Variants in CLEC2D observed in about 807,000 individuals in gnomAD.
CLEC2D encodes C-type lectin related f.
In CLEC2D, 16 loss-of-function variants were observed where a neutral mutation model predicts 20.0. The ratio of observed to expected loss-of-function variants is 0.80; its 90% CI spans 0.54 to 1.22. The LOEUF is 1.22. Among genes scored for constraint, CLEC2D ranks in the 50% most tolerant of loss-of-function variants. The pLI is 0.00. For missense variants in CLEC2D, 207 were observed against 221.5 expected, an observed-to-expected ratio of 0.93 and a Z score of 0.42; for synonymous variants, 77 against 71.1, an observed-to-expected ratio of 1.08 and a Z score of -0.42.
intron 2 of CLEC2D, among the ~76,000 whole-genome samples, chr12:9,687,147 A>G (rs1255796843): frequency 6.6e-6 from 1 of 152,194 alleles, no homozygotes; most frequent in African/African-American, 2.4e-5. Flanking sequence ...TTGTGTAATA[A>G]TATATAATAA....
chr12:9,698,782 CAT>C lies in CLEC2D; in HGVS notation c.*3912_*3913del, dbSNP rs538795454. 1.3e-5 allele frequency: 2 copies of C among 152,136 alleles called. No homozygotes were observed. Among genetic ancestry groups the C allele is most frequent in the Non-Finnish European group, 2.9e-5 (2 of 68,014 alleles). The allele number at this position is 152,136 out of a possible 1,614,324, so 9.4% of individuals were successfully genotyped here. ...TGGGGCTCAGAAACGGATACCCTAA[CAT>C]ATAGTGATTTGACAGGTGGAACTAA... is the stretch of plus-strand genomic sequence containing the variant. On this transcript the variant is annotated 3_prime_UTR_variant, in exon 5 of 5. Coordinates refer to ENST00000290855, the MANE Select transcript of CLEC2D (RefSeq NM_013269.6).
At chr12:9,686,749 C>T (rs1349633041) in intron 2 of CLEC2D, among the ~76,000 whole-genome samples, 1 of 152,152 alleles carries the variant, frequency 6.6e-6, no homozygotes, top group African/African-American at 2.4e-5. Flanking sequence ...TCATCTCGAT[C>T]CCACATGAAG....
intron 1 of CLEC2D, among the ~76,000 whole-genome samples, chr12:9,677,546 A>G (rs767325904): frequency 2.0e-5 from 3 of 152,092 alleles, no homozygotes; most frequent in East Asian, 3.9e-4. Flanking sequence ...AAGGTGGTCT[A>G]TTATGGTGAT....
At position 9,694,845 on chromosome 12, in the gene CLEC2D, A is replaced by G. The variant is rs771368803; in HGVS notation, c.547A>G (p.Ile183Val). The G allele has an allele frequency of 2.1e-5, 34 of 1,608,240 alleles. No homozygotes were observed. Among genetic ancestry groups the G allele is most frequent in the Middle Eastern group, 1.7e-4 (1 of 6,012 alleles). ...CAGGCACTACACAGAGAGGAAGTGG[A>G]TTTGTTCCAAATCAGATATACATGT... ...SARHYTERKW[I>V]CSKSDIHV is the part of the protein sequence containing the mutation. The change falls in exon 5 of 5, where the codon ATT (isoleucine) becomes GTT (valine). Residue 183 changes from isoleucine to valine, a missense_variant. Physicochemically the swap from Ile to Val is conservative, Grantham distance 29. Coordinates refer to ENST00000290855, the MANE Select transcript of CLEC2D (RefSeq NM_013269.6).
rs1351842933 is a variant in CLEC2D at position 9,695,159 on chromosome 12, T to C, written c.*285T>C. ...TAGTTCCACATGGCTGGGGAGGTCT[T>C]GCAATCATGACAGAAGGCAAATGGG... On this transcript the variant is annotated 3_prime_UTR_variant, in exon 5 of 5. Transcript: ENST00000290855. 1.7e-6 allele frequency: 1 copy of C among 583,062 alleles called. No homozygotes were observed. The highest frequency in any genetic ancestry group is 1.9e-5 in the African/African-American group (1 of 53,222). 36.1% of individuals were successfully genotyped at this position (583,062 alleles called of 1,614,324 possible). A position where few individuals can be genotyped will look rare whatever the true frequency, so the allele number is the denominator to read the frequency against.
Position 9,680,972 on chromosome 12 carries a change from C to T in CLEC2D, c.111C>T (p.Arg37=), listed in dbSNP as rs1457797334. 2 of 1,607,574 alleles carry T rather than the reference C, an allele frequency of 1.2e-6. No individual in the cohort carries two copies. Among genetic ancestry groups the T allele is most frequent in the African/African-American group, 1.3e-5 (1 of 74,792 alleles). Residue 37 remains arginine, a synonymous_variant, in exon 2 of 5, where the codon CGC becomes CGT. Coordinates refer to ENST00000290855, the MANE Select transcript of CLEC2D (RefSeq NM_013269.6). ...EHSIKATLIW[R]LFFLIMFLTI... ...CTATTAAAGCTACCTTAATTTGGCG[C>T]TTATTTTTCTTAATCATGTTTCTGA...
At chr12:9,688,696 A>G (rs921282123) in intron 3 of CLEC2D, among the ~76,000 whole-genome samples, 2 of 151,478 alleles carry the variant, frequency 1.3e-5, no homozygotes, top group African/African-American at 4.8e-5. Context: ...CTCCAGCCTA[A>G]CAGAGTGAGA....
rs1432840417 is a variant in CLEC2D at position 9,680,903 on chromosome 12, T to C, written c.62-20T>C. ...TGTCTGTATTTAATTGTTAAAATGT[T>C]TTTCAATAATTTTTTCCAGGTTGTC... On this transcript the variant is annotated intron_variant, in intron 1 of 4. Coordinates refer to ENST00000290855, the MANE Select transcript of CLEC2D (RefSeq NM_013269.6). The C allele has an allele frequency of 8.4e-7, 1 of 1,197,240 alleles. No homozygotes were observed. Among genetic ancestry groups the C allele is most frequent in the Admixed American group, 1.7e-5 (1 of 57,866 alleles). The allele number at this position is 1,197,240 out of a possible 1,614,324, so 74.2% of individuals were successfully genotyped here.
At chr12:9,671,553 C>A (rs772687115) in intron 1 of CLEC2D, among the ~76,000 whole-genome samples, 1 of 152,332 alleles carries the variant, frequency 6.6e-6, no homozygotes, top group African/African-American at 2.4e-5. Flanking sequence ...TTGGCTATTG[C>A]ATGTTGCTGT....
Position 9,695,055 on chromosome 12 carries a change from T to C in CLEC2D, c.*181T>C, listed in dbSNP as rs1028024814. 8 of 587,282 alleles carry C rather than the reference T, an allele frequency of 1.4e-5. No individual in the cohort carries two copies. Among genetic ancestry groups the C allele is most frequent in the African/African-American group, 1.1e-4 (6 of 53,426 alleles). 36.4% of individuals were successfully genotyped at this position (587,282 alleles called of 1,614,324 possible). On this transcript the variant is annotated 3_prime_UTR_variant, in exon 5 of 5. Transcript: ENST00000290855. ...AAAATATTACCTGTTTTCATGGTGC[T>C]AATATTACCTGTTCTCCCACTGCTA...
intron 1 of CLEC2D, among the ~76,000 whole-genome samples, chr12:9,678,218 A>G (rs1389708410): frequency 2.6e-5 from 4 of 152,122 alleles, no homozygotes; most frequent in South Asian, 2.1e-4. Flanking sequence ...CCATTATGCA[A>G]TGCTTTTCTT....
chr12:9,678,411 T>C (rs1022082893), intron 1 of CLEC2D, among the ~76,000 whole-genome samples: 1 of 152,318 alleles, frequency 6.6e-6, no homozygotes, highest in East Asian at 1.9e-4. Flanking sequence ...TAGTTTAATC[T>C]CTGATTTTTA....
rs1265713818 is a variant in CLEC2D, at chr12:9,695,630, T to C, written c.*756T>C. The C allele has an allele frequency of 1.3e-6, 2 of 1,568,338 alleles. No homozygotes were observed. Among genetic ancestry groups the C allele is most frequent in the African/African-American group, 2.7e-5 (2 of 74,190 alleles). On this transcript the variant is annotated 3_prime_UTR_variant, in exon 5 of 5. Transcript: ENST00000290855. ...ACACTGGCAACTTTGAAAATGTCTG[T>C]ACAGCCAACGGTTTCTCTTGGGGGC... is the stretch of plus-strand genomic sequence containing the variant.
In CLEC2D at chr12:9,695,856, T is replaced by TGATGATGATGATGATGAA; in HGVS notation, c.*1000_*1017dup. 1.1e-6 allele frequency: 1 copy of TGATGATGATGATGATGAA among 892,392 alleles called. No individual in the cohort carries two copies. Among genetic ancestry groups the TGATGATGATGATGATGAA allele is most frequent in the South Asian group, 1.4e-5 (1 of 70,124 alleles). 55.3% of individuals were successfully genotyped at this position (892,392 alleles called of 1,614,324 possible). A position where few individuals can be genotyped will look rare whatever the true frequency, so the allele number is the denominator to read the frequency against. On this transcript the variant is annotated 3_prime_UTR_variant, in exon 5 of 5. Coordinates refer to ENST00000290855, the MANE Select transcript of CLEC2D (RefSeq NM_013269.6). ...AAAAAGTAAAACTTGCTGCTGCTGC[T>TGATGATGATGATGATGAA]GATGATGATGATGATGAAGATGATG...
In CLEC2D at chr12:9,698,976, C is replaced by G. The variant is rs1311546095; in HGVS notation, c.*4102C>G. 2 of 152,202 alleles carry G rather than the reference C, an allele frequency of 1.3e-5. No individual in the cohort carries two copies. The highest frequency in any genetic ancestry group is 2.9e-5 in the Non-Finnish European group (2 of 68,026). The allele number at this position is 152,202 out of a possible 1,614,324, so 9.4% of individuals were successfully genotyped here. On this transcript the variant is annotated 3_prime_UTR_variant, in exon 5 of 5. Transcript: ENST00000290855. ...GGTGCCTTCCATGGGTTTTCATTAACTGAAGTCATATTGTAGGAAAAAGAA... is the reference window on the plus strand; with the variant it reads ...GGTGCCTTCCATGGGTTTTCATTAAGTGAAGTCATATTGTAGGAAAAAGAA...
intron 1 of CLEC2D, among the ~76,000 whole-genome samples, chr12:9,673,192 T>C (rs1447999397): frequency 2.0e-5 from 3 of 152,250 alleles, no homozygotes; most frequent in Non-Finnish European, 4.4e-5. Flanking sequence ...TTTCCTCATC[T>C]TCGTGGATTT....
intron 2 of CLEC2D, among the ~76,000 whole-genome samples, chr12:9,687,231 C>T (rs895756711): frequency 6.6e-6 from 1 of 152,104 alleles, no homozygotes; most frequent in African/African-American, 2.4e-5. Context: ...TAGATGGTAC[C>T]ATCTGTGAGT....
intron 2 of CLEC2D, among the ~76,000 whole-genome samples, chr12:9,682,742 C>T (rs766229652): frequency 9.9e-5 from 15 of 152,266 alleles, no homozygotes; most frequent in Non-Finnish European, 1.8e-4. Flanking sequence ...TGTATATGTG[C>T]CACATTTTCT....
intron 1 of CLEC2D, among the ~76,000 whole-genome samples, chr12:9,670,679 A>C (rs1289545689): frequency 6.6e-6 from 1 of 152,218 alleles, no homozygotes; most frequent in Non-Finnish European, 1.5e-5. Context: ...ATATTTAGTT[A>C]GACTGGATCT....
Sources: allele counts gnomAD v4.1 joint callset (sites outside exome capture counted in the v4.1 genomes callset), GRCh38; gene constraint gnomAD v4.1.1; transcripts MANE v1.5; gene names NCBI Gene and HGNC (gene_info 2026-07-23, HGNC 2026-07-21).